The following RAD18 variants were observed in gnomAD, a reference collection of about 807,000 sequenced individuals.
The protein encoded by RAD18 is RAD18 E3 ubiquitin protein ligase, also known as E3 ubiquitin-protein ligase RAD18.
A neutral mutation model predicts 60.4 loss-of-function variants in RAD18; 47 were observed. That is an observed-to-expected ratio of 0.78 (90% CI 0.62 to 0.99). The LOEUF (loss-of-function observed/expected upper bound fraction) is 0.99. Ranked by LOEUF, RAD18 falls within the 50% of genes least tolerant of loss-of-function variation. The probability of loss-of-function intolerance (pLI) is 0.00; values close to 1 mark genes in which losing one functional copy is unlikely to be tolerated. For missense variants in RAD18, 640 were observed against 593.3 expected (o/e 1.08, Z -0.82); for synonymous variants, 225 against 195.5 (o/e 1.15, Z -1.26).
chr3:8,903,665 T>C (rs1939952879), intron 9 of RAD18, among the ~76,000 whole-genome samples: 1 of 152,218 alleles, frequency 6.6e-6, no homozygotes, highest in South Asian at 2.1e-4. Flanking sequence ...CTTTAGGGCA[T>C]GTATTTGTGA....
intron 7 of RAD18, 54 bp from the exon 8 acceptor site, chr3:8,913,774 T>A: frequency 8.8e-7 from 1 of 1,137,412 alleles, no homozygotes; most frequent in Non-Finnish European, 1.2e-6. Context: ...TTTTAATCAC[T>A]GTACAATAAT....
intron 4 of RAD18, among the ~76,000 whole-genome samples, chr3:8,942,677 T>C (rs1337837760): frequency 6.6e-6 from 1 of 152,170 alleles, no homozygotes; most frequent in African/African-American, 2.4e-5. Context: ...ACATTGATCT[T>C]ACTTGTTAGA....
At chr3:8,892,836 T>C (rs1351659978) in intron 11 of RAD18, among the ~76,000 whole-genome samples, 1 of 152,176 alleles carries the variant, frequency 6.6e-6, no homozygotes, top group Non-Finnish European at 1.5e-5. Flanking sequence ...CAGATTTCGG[T>C]GTCAGACAAA....
At position 8,881,234 on chromosome 3, in the gene RAD18, G is replaced by C. The variant is rs1323158049; in HGVS notation, c.*123C>G. 2.5e-6 allele frequency: 2 copies of C among 790,814 alleles called. No individual in the cohort carries two copies. The highest frequency in any genetic ancestry group is 2.4e-4 in the Middle Eastern group (1 of 4,242). 49.0% of individuals were successfully genotyped at this position (790,814 alleles called of 1,614,324 possible). On this transcript the variant is annotated 3_prime_UTR_variant, in exon 13 of 13. Coordinates refer to ENST00000264926, the MANE Select transcript of RAD18 (RefSeq NM_020165.4). ...GAAAAGCAGAAAAGAATGAATATCAGCTAACCGTAATATTTAGAATTTAGC... is the reference window on the plus strand; with the variant it reads ...GAAAAGCAGAAAAGAATGAATATCACCTAACCGTAATATTTAGAATTTAGC...
intron 7 of RAD18, among the ~76,000 whole-genome samples, chr3:8,917,310 G>A (rs1260132471): frequency 6.6e-6 from 1 of 152,134 alleles, no homozygotes; most frequent in Non-Finnish European, 1.5e-5. Context: ...ATTAAAACAA[G>A]TTCTTCAATT....
chr3:8,896,438 A>G (rs984321694), intron 11 of RAD18, among the ~76,000 whole-genome samples: 3 of 152,192 alleles, frequency 2.0e-5, no homozygotes, highest in Non-Finnish European at 4.4e-5. Context: ...AAAAAAGCAG[A>G]AGAAAGCATT....
chr3:8,953,217 CATT>C (rs746225220), intron 2 of RAD18, among the ~76,000 whole-genome samples: 52 of 150,422 alleles, frequency 3.5e-4, no homozygotes, highest in African/African-American at 1.1e-3. Context: ...ATAGTGTATA[CATT>C]ATTATATATG....
At chr3:8,963,257 G>A (rs532889511) in intron 1 of RAD18, 78 bp downstream of exon 1, 37 of 1,447,722 alleles carry the variant, frequency 2.6e-5, no homozygotes, top group Non-Finnish European at 3.4e-5. Context: ...TTCTCCTTAA[G>A]GCGAGGACAT....
At chr3:8,955,273 T>C (rs1940989162) in intron 2 of RAD18, among the ~76,000 whole-genome samples, 1 of 152,144 alleles carries the variant, frequency 6.6e-6, no homozygotes, top group African/African-American at 2.4e-5. Context: ...CCCCCAACTT[T>C]CTGCCTGGGG....
intron 9 of RAD18, among the ~76,000 whole-genome samples, chr3:8,911,420 C>T (rs1169689452): frequency 1.3e-5 from 2 of 152,184 alleles, no homozygotes; most frequent in African/African-American, 4.8e-5. Flanking sequence ...CTTTTGTTCT[C>T]CTTTCTAAAG....
intron 1 of RAD18, among the ~76,000 whole-genome samples, chr3:8,962,728 A>C (rs1373283024): frequency 6.6e-6 from 1 of 152,256 alleles, no homozygotes; most frequent in Middle Eastern, 3.2e-3. Context: ...ATGTTATTTA[A>C]GTGAAATAAT....
Position 8,941,636 on chromosome 3 carries a change from T to C in RAD18, c.435A>G (p.Thr145=). The C allele has an allele frequency of 4.3e-6, 7 of 1,614,184 alleles. No individual in the cohort carries two copies. The highest frequency in any genetic ancestry group is 5.9e-6 in the Non-Finnish European group (7 of 1,180,032). ...TATTTTCTTTTATCAACAACTCTGA[T>C]GTAGAACCACTCATTTCTCTGATCA... ...NFLIREMSGS[T]SELLIKENKS... The change falls in exon 5 of 13, where the codon ACA becomes ACG. Residue 145 remains threonine, a synonymous_variant. Transcript: ENST00000264926.
At chr3:8,933,983 C>G (rs1940607558) in intron 7 of RAD18, among the ~76,000 whole-genome samples, 1 of 152,124 alleles carries the variant, frequency 6.6e-6, no homozygotes, top group African/African-American at 2.4e-5. Flanking sequence ...AATGTCCAGG[C>G]CTACACATGT....
At chr3:8,930,944 G>C (rs1940542359) in intron 7 of RAD18, among the ~76,000 whole-genome samples, 1 of 152,054 alleles carries the variant, frequency 6.6e-6, no homozygotes, top group Non-Finnish European at 1.5e-5. Context: ...TTAAAAAAAA[G>C]ATTGGAGAAA....
At chr3:8,961,240 C>T (rs549810008) in intron 1 of RAD18, among the ~76,000 whole-genome samples, 29 of 152,264 alleles carry the variant, frequency 1.9e-4, no homozygotes, top group African/African-American at 6.3e-4. Flanking sequence ...ATATCACATG[C>T]GCCTCAACCA....
At chr3:8,895,703 A>G (rs572895239) in intron 11 of RAD18, among the ~76,000 whole-genome samples, 15 of 152,234 alleles carry the variant, frequency 9.9e-5, no homozygotes, top group Non-Finnish European at 1.9e-4. Context: ...CAAATGACAT[A>G]AAAGATGTAT....
chr3:8,963,380 G>A lies in RAD18; in HGVS notation c.6C>T (p.Asp2=), dbSNP rs1421269224. The A allele has an allele frequency of 1.2e-6, 2 of 1,606,252 alleles. No individual in the cohort carries two copies. Among genetic ancestry groups the A allele is most frequent in the Non-Finnish European group, 1.7e-6 (2 of 1,176,222 alleles). Residue 2 remains aspartate, a synonymous_variant, in exon 1 of 13, where the codon GAC becomes GAT. Coordinates refer to ENST00000264926, the MANE Select transcript of RAD18 (RefSeq NM_020165.4). ...GAGGCCACCGAGACTCGGCCAGGGA[G>A]TCCATGGTCGCTCCCGAGGATGCTG... M[D]SLAESRWPPG...
chr3:8,903,151 T>C (rs905918428), intron 9 of RAD18, among the ~76,000 whole-genome samples: 5 of 152,210 alleles, frequency 3.3e-5, no homozygotes, highest in South Asian at 4.1e-4. Flanking sequence ...TGGAGTGTCA[T>C]GGAACCTTCT....
chr3:8,889,791 C>T (rs1440829299), intron 12 of RAD18, among the ~76,000 whole-genome samples: 1 of 152,176 alleles, frequency 6.6e-6, no homozygotes, highest in African/African-American at 2.4e-5. Flanking sequence ...CTAAAAGGAA[C>T]AAGAAGCCAT....
Sources: gnomAD v4.1 joint callset for allele counts (sites outside exome capture counted in the v4.1 genomes callset) on GRCh38, gnomAD v4.1.1 for gene constraint, MANE v1.5 for transcripts, NCBI Gene and HGNC (gene_info 2026-07-23, HGNC 2026-07-21) for gene names.